Variants in MAP3K4 observed in about 807,000 individuals in gnomAD.
MAP3K4 encodes mitogen-activated protein kinase kinase kinase 4, also known as MAP three kinase 1.
Under a neutral mutation model 185.6 loss-of-function variants are expected in MAP3K4, and 67 were observed. The ratio of observed to expected loss-of-function variants is 0.36; its 90% CI spans 0.30 to 0.44. MAP3K4 has a LOEUF of 0.44. Among genes scored for constraint, MAP3K4 ranks in the 20% least tolerant of loss-of-function variants. The probability of loss-of-function intolerance (pLI) is 1.00; values close to 1 mark genes in which losing one functional copy is unlikely to be tolerated. For synonymous variants in MAP3K4, 702 were observed against 710.4 expected, an observed-to-expected ratio of 0.99 and a Z score of 0.19; for missense variants, 1,551 against 1,995.1, an observed-to-expected ratio of 0.78 and a Z score of 4.24.
Position 161,073,772 on chromosome 6 carries a change from G to A in MAP3K4, c.2097+160G>A, listed in dbSNP as rs1213427355. 1.3e-5 allele frequency among the ~76,000 whole-genome samples: 2 copies of A among 152,206 alleles called. No homozygotes were observed. The highest frequency in any genetic ancestry group is 1.3e-4 in the Admixed American group (2 of 15,290). On this transcript the variant is annotated intron_variant, in intron 5 of 26. Coordinates refer to ENST00000392142, the MANE Select transcript of MAP3K4 (RefSeq NM_005922.4). The surrounding 1 kb of genome is among the most constrained non-coding windows in gnomAD (Gnocchi z 4.2). ...AATGATCCCTGAAAGTATAGCTTGT[G>A]TGTGTGTATTGCGGAGGGCGGTGGT...
chr6:161,018,386 A>C (rs1782213384), intron 1 of MAP3K4, among the ~76,000 whole-genome samples: 1 of 152,216 alleles, frequency 6.6e-6, no homozygotes, highest in Non-Finnish European at 1.5e-5. Flanking sequence ...GCTGGGAGGC[A>C]CTTGAGTACC....
chr6:161,076,674 T>A lies in MAP3K4; in HGVS notation c.2097+3062T>A, dbSNP rs1785192124. ...TTTATAAGGATTGAAAATATGAAAA[T>A]GATAGGCGAGATGTGGTAGTTGTAG... On this transcript the variant is annotated intron_variant, in intron 5 of 26. Transcript: ENST00000392142. This position sits in a 1 kb window ranked among gnomAD's most constrained non-coding sequence, Gnocchi z 4.2. Among the ~76,000 whole-genome samples the A allele has an allele frequency of 6.6e-6, 1 of 152,118 alleles. No homozygotes were observed. The highest frequency in any genetic ancestry group is 2.1e-4 in the South Asian group (1 of 4,836).
In MAP3K4 at chr6:161,098,404, C is replaced by T. The variant is rs772306187; in HGVS notation, c.3651C>T (p.Ser1217=). The change falls in exon 17 of 27, where the codon TCC becomes TCT. Residue 1217 remains serine, a synonymous_variant. Transcript: ENST00000392142. The surrounding 1 kb of genome is among the most constrained non-coding windows in gnomAD (Gnocchi z 4.4). ...PSGGDSVLPK[S]ISSAHDTRGS... ...GTGGTGACTCTGTGCTGCCCAAATC[C>T]ATCAGCAGTGCCCATGATACCAGGT... The T allele has an allele frequency of 2.7e-5, 43 of 1,613,796 alleles. No individual in the cohort carries two copies. Among genetic ancestry groups the T allele is most frequent in the Non-Finnish European group, 3.6e-5 (42 of 1,179,998 alleles).
intron 11 of MAP3K4, among the ~76,000 whole-genome samples, chr6:161,090,523 T>A (rs879352676): frequency 1.4e-5 from 2 of 144,980 alleles, no homozygotes; most frequent in Non-Finnish European, 3.0e-5. Context: ...TGGAGGGCTG[T>A]CCTGCGCATT....
intron 2 of MAP3K4, among the ~76,000 whole-genome samples, chr6:161,042,269 C>T (rs1783503331): frequency 6.6e-6 from 1 of 152,092 alleles, no homozygotes; most frequent in Non-Finnish European, 1.5e-5. Context: ...CCAGCCTTCA[C>T]CAAAAGCTGA....
chr6:161,092,867 CTT>C lies in MAP3K4; in HGVS notation c.3270-110_3270-109del, dbSNP rs373457941. ...ACTGAACCCAAGCAAAAAAAAGTGT[CTT>C]GTCCTAAATAGTAATTATAATTATG... On this transcript the variant is annotated intron_variant, in intron 13 of 26. Coordinates refer to ENST00000392142, the MANE Select transcript of MAP3K4 (RefSeq NM_005922.4). The C allele has an allele frequency of 6.0e-4, 353 of 587,324 alleles. 1 individual carries two copies. In the African/African-American group the frequency reaches 6.3e-3, roughly 10 times the overall value. The allele number at this position is 587,324 out of a possible 1,614,324, so 36.4% of individuals were successfully genotyped here.
Position 161,048,774 on chromosome 6 carries a change from G to A in MAP3K4, c.502G>A (p.Asp168Asn), listed in dbSNP as rs1464369932. ...KKNVQCSFML[D>N]SVGGSLPKKS... The stretch of plus-strand genomic sequence containing the variant: ...AAATGTACAGTGCTCATTCATGTTA[G>A]ACTCAGTGGGTGGATCTTTGCCAAA... Residue 168 changes from aspartate to asparagine, a missense_variant, in exon 3 of 27, where the codon GAC becomes AAC. By Grantham distance (23) the Asp-to-Asn change is conservative (BLOSUM62 1). This residue lies in a region of MAP3K4 where 287 missense variants were observed against 268.8 expected (regional missense o/e 1.07). Coordinates refer to ENST00000392142, the MANE Select transcript of MAP3K4 (RefSeq NM_005922.4). This position sits in a 1 kb window ranked among gnomAD's most constrained non-coding sequence, Gnocchi z 4.7. 1.2e-6 allele frequency: 2 copies of A among 1,614,096 alleles called. No homozygotes were observed. The highest frequency in any genetic ancestry group is 1.7e-6 in the Non-Finnish European group (2 of 1,180,008).
Position 161,049,328 on chromosome 6 carries a change from G to A in MAP3K4, c.1056G>A (p.Glu352=), listed in dbSNP as rs1191412941. Residue 352 remains glutamate, a synonymous_variant, in exon 3 of 27, where the codon GAG becomes GAA. Coordinates refer to ENST00000392142, the MANE Select transcript of MAP3K4 (RefSeq NM_005922.4). The surrounding 1 kb of genome is among the most constrained non-coding windows in gnomAD (Gnocchi z 8.4). ...EHLQRQRVSF[E]QVKRIMELLE... is the part of the protein sequence containing the mutation. ...TCCAACGCCAGAGGGTCTCATTTGA[G>A]CAGGTAAAACGGATAATGGAGCTGC... 3 of 1,614,182 alleles carry A rather than the reference G, an allele frequency of 1.9e-6. No individual in the cohort carries two copies. Among genetic ancestry groups the A allele is most frequent in the Non-Finnish European group, 8.5e-7 (1 of 1,180,030 alleles).
chr6:161,111,765 T>G, intron 23 of MAP3K4, 71 bp from the exon 24 acceptor site: 141 of 1,440,576 alleles, frequency 9.8e-5, no homozygotes, highest in East Asian at 1.2e-4. Context: ...TCCTGGTCGT[T>G]TAGATTACCA....
intron 3 of MAP3K4, among the ~76,000 whole-genome samples, chr6:161,059,794 A>G (rs575798357): frequency 1.1e-3 from 163 of 151,194 alleles, no homozygotes; most frequent in Admixed American, 2.6e-3. Context: ...TCAGTTTGCA[A>G]ATAATGTCCA....
chr6:161,021,578 A>C (rs1348541605), intron 1 of MAP3K4, among the ~76,000 whole-genome samples: 2 of 152,246 alleles, frequency 1.3e-5, no homozygotes, highest in Non-Finnish European at 2.9e-5. Context: ...TCTCCAGGTT[A>C]GGTCCTATCT....
At position 161,070,751 on chromosome 6, in the gene MAP3K4, A is replaced by G. The variant is rs945206700; in HGVS notation, c.1851A>G (p.Leu617=). The change falls in exon 4 of 27, where the codon CTA becomes CTG. Residue 617 remains leucine, a synonymous_variant. Coordinates refer to ENST00000392142, the MANE Select transcript of MAP3K4 (RefSeq NM_005922.4). This position sits in a 1 kb window ranked among gnomAD's most constrained non-coding sequence, Gnocchi z 4.5. ...MDLPSFEPAF[L]VLCRVLLNVI... ...TACCTTCATTCGAACCTGCCTTCCTAGTTCTCTGCCGAGTCCTTCTGAATG... is the reference window on the plus strand; with the variant it reads ...TACCTTCATTCGAACCTGCCTTCCTGGTTCTCTGCCGAGTCCTTCTGAATG... 2.5e-6 allele frequency: 4 copies of G among 1,614,180 alleles called. No individual in the cohort carries two copies. Among genetic ancestry groups the G allele is most frequent in the East Asian group, 4.5e-5 (2 of 44,878 alleles).
rs1019706521 is a variant in MAP3K4 at position 161,086,776 on chromosome 6, G to A, written c.2556+109G>A. The A allele has an allele frequency of 5.1e-6, 4 of 788,406 alleles. No individual in the cohort carries two copies. The highest frequency in any genetic ancestry group is 8.1e-6 in the Non-Finnish European group (4 of 493,642). 48.8% of individuals were successfully genotyped at this position (788,406 alleles called of 1,614,324 possible). A position where few individuals can be genotyped will look rare whatever the true frequency, so the allele number is the denominator to read the frequency against. On this transcript the variant is annotated intron_variant, in intron 9 of 26. Coordinates refer to ENST00000392142, the MANE Select transcript of MAP3K4 (RefSeq NM_005922.4). This position sits in a 1 kb window ranked among gnomAD's most constrained non-coding sequence, Gnocchi z 4.8. ...GATAGTAAATATTACAGGCTCTGAA[G>A]GCTGTACCACAACCCCAGTTGTAAG...
intron 3 of MAP3K4, 137 bp downstream of exon 3, chr6:161,050,116 C>A: frequency 1.2e-6 from 1 of 830,788 alleles, no homozygotes; most frequent in Non-Finnish European, 1.9e-6. Context: ...CACATTTAAG[C>A]ATTTCTGTAA....
chr6:161,114,995 C>T lies in MAP3K4; in HGVS notation c.4627-128C>T. On this transcript the variant is annotated intron_variant, in intron 25 of 26. Coordinates refer to ENST00000392142, the MANE Select transcript of MAP3K4 (RefSeq NM_005922.4). This position sits in a 1 kb window ranked among gnomAD's most constrained non-coding sequence, Gnocchi z 4.3. ...CTGTCAACCTAAAATATTGTTTGGC[C>T]CTTTCAGTAAAAATTTGCTGTCCCC... 1.4e-6 allele frequency: 1 copy of T among 714,280 alleles called. No homozygotes were observed. Among genetic ancestry groups the T allele is most frequent in the East Asian group, 2.7e-5 (1 of 37,568 alleles). The allele number at this position is 714,280 out of a possible 1,614,324, so 44.2% of individuals were successfully genotyped here. A position where few individuals can be genotyped will look rare whatever the true frequency, so the allele number is the denominator to read the frequency against.
At chr6:161,102,437 C>G (rs975564907) in intron 18 of MAP3K4, among the ~76,000 whole-genome samples, 2 of 152,098 alleles carry the variant, frequency 1.3e-5, no homozygotes, top group African/African-American at 4.8e-5. Flanking sequence ...AAGGAATCCA[C>G]TTTTTGCACA....
chr6:160,992,365 CG>C (rs1189493206), intron 1 of MAP3K4: 2 of 469,494 alleles, frequency 4.3e-6, no homozygotes, highest in Non-Finnish European at 7.4e-6. Context: ...CTCAACGTTG[CG>C]GGGGCTGGGA....
At position 161,048,187 on chromosome 6, in the gene MAP3K4, T is replaced by G. The variant is rs1783824741; in HGVS notation, c.344-429T>G. On this transcript the variant is annotated intron_variant, in intron 2 of 26. Coordinates refer to ENST00000392142, the MANE Select transcript of MAP3K4 (RefSeq NM_005922.4). The surrounding 1 kb of genome is among the most constrained non-coding windows in gnomAD (Gnocchi z 4.7). Reference sequence around the variant, plus strand: ...TCCAGATAATTTACGTGATTTCCTCTTAAGTTTACACATTTAGCTAATGAC... The same window carrying G: ...TCCAGATAATTTACGTGATTTCCTCGTAAGTTTACACATTTAGCTAATGAC... 2.0e-6 allele frequency: 1 copy of G among 511,754 alleles called. No homozygotes were observed. Among genetic ancestry groups the G allele is most frequent in the South Asian group, 1.5e-5 (1 of 67,060 alleles). 31.7% of individuals were successfully genotyped at this position (511,754 alleles called of 1,614,324 possible). A position where few individuals can be genotyped will look rare whatever the true frequency, so the allele number is the denominator to read the frequency against.
Position 161,100,058 on chromosome 6 carries a change from G to C in MAP3K4, c.3674+1631G>C, listed in dbSNP as rs749342122. Among the ~76,000 whole-genome samples the C allele has an allele frequency of 1.9e-4, 29 of 152,186 alleles. No individual in the cohort carries two copies. Among genetic ancestry groups the C allele is most frequent in the Non-Finnish European group, 2.2e-4 (15 of 68,030 alleles). On this transcript the variant is annotated intron_variant, in intron 17 of 26. Coordinates refer to ENST00000392142, the MANE Select transcript of MAP3K4 (RefSeq NM_005922.4). The surrounding 1 kb of genome is among the most constrained non-coding windows in gnomAD (Gnocchi z 5.8). The stretch of plus-strand genomic sequence containing the variant: ...ATTCCCGTTTACTTTATGACCGTCT[G>C]TGTGTGTGAGATGGTAGGTAGAGAA...
Sources: allele counts gnomAD v4.1 joint callset (sites outside exome capture counted in the v4.1 genomes callset), GRCh38; gene constraint gnomAD v4.1.1; regional missense constraint gnomAD v4.1.1; non-coding constraint Gnocchi (gnomAD v3.1); transcripts MANE v1.5; gene names NCBI Gene and HGNC (gene_info 2026-07-23, HGNC 2026-07-21).